TAF5: variants seen among roughly 807,000 people sequenced by gnomAD.
The protein encoded by TAF5 is TATA-box binding protein associated factor 5, also known as transcription initiation factor TFIID subunit 5.
Under a neutral mutation model 80.9 loss-of-function variants are expected in TAF5, and 20 were observed. The ratio of observed to expected loss-of-function variants is 0.25; its 90% CI spans 0.17 to 0.36. The LOEUF is 0.36. Ranked by LOEUF, TAF5 falls within the 10% of genes least tolerant of loss-of-function variation. The pLI is 1.00. For missense variants in TAF5, 863 were observed against 1,029.4 expected (o/e 0.84, Z 2.21); for synonymous variants, 388 against 406.4 (o/e 0.95, Z 0.55).
At chr10:103,387,013 CTG>C (rs1372422323) in intron 8 of TAF5, among the ~76,000 whole-genome samples, 160 bp from the exon 9 acceptor site, 1 of 151,780 alleles carries the variant, frequency 6.6e-6, no homozygotes, top group African/African-American at 2.4e-5. Context: ...ACTCTTAGGA[CTG>C]TGAGTCTCAT....
intron 1 of TAF5, among the ~76,000 whole-genome samples, chr10:103,371,275 T>C (rs1010233912): frequency 2.6e-5 from 4 of 152,070 alleles, no homozygotes; most frequent in Non-Finnish European, 4.4e-5. Context: ...GAGGAATCTT[T>C]TTTGAATGTT....
At position 103,387,705 on chromosome 10, in the gene TAF5, G is replaced by C. The variant is rs752580094; in HGVS notation, c.2185+7G>C. On this transcript the variant is annotated splice_region_variant and intron_variant, in intron 10 of 10. Coordinates refer to ENST00000369839, the MANE Select transcript of TAF5 (RefSeq NM_006951.5). Reference sequence around the variant, plus strand: ...GGTGAAATTTTGGCATCAGGTAAATGACTATTAATGGCTTTACGATAAATG... The same window carrying C: ...GGTGAAATTTTGGCATCAGGTAAATCACTATTAATGGCTTTACGATAAATG... The C allele has an allele frequency of 6.2e-7, 1 of 1,608,780 alleles. No individual in the cohort carries two copies.
chr10:103,384,749 TTTGA>T (rs2093391687), intron 7 of TAF5, among the ~76,000 whole-genome samples: 1 of 152,254 alleles, frequency 6.6e-6, no homozygotes, highest in South Asian at 2.1e-4. Flanking sequence ...ATGATACATT[TTTGA>T]GGGAAACGTC....
chr10:103,386,322 A>G (rs971337625), intron 8 of TAF5, among the ~76,000 whole-genome samples: 1 of 152,002 alleles, frequency 6.6e-6, no homozygotes, highest in African/African-American at 2.4e-5. Context: ...ACGTGCCTGT[A>G]GTCCCAGCTA....
intron 7 of TAF5, 117 bp downstream of exon 7, chr10:103,383,484 G>C: frequency 2.0e-6 from 2 of 995,880 alleles, no homozygotes; most frequent in Non-Finnish European, 1.4e-6. Context: ...TCTCATGGTT[G>C]TCTGACGTTC....
intron 2 of TAF5, among the ~76,000 whole-genome samples, chr10:103,375,549 T>C (rs1233316104): frequency 6.6e-6 from 1 of 152,186 alleles, no homozygotes; most frequent in Non-Finnish European, 1.5e-5. Flanking sequence ...AGATGATATA[T>C]GAGAGCTCAG....
At position 103,388,206 on chromosome 10, in the gene TAF5, G is replaced by A; in HGVS notation, c.2386G>A (p.Ala796Thr). 1 of 1,613,796 alleles carries A rather than the reference G, an allele frequency of 6.2e-7. No homozygotes were observed. Among genetic ancestry groups the A allele is most frequent in the Non-Finnish European group, 8.5e-7 (1 of 1,179,912 alleles). The change falls in exon 11 of 11, where the codon GCT becomes ACT. Residue 796 changes from alanine (A) to threonine (T), a missense_variant. Coordinates refer to ENST00000369839, the MANE Select transcript of TAF5 (RefSeq NM_006951.5). ...TRRNLVLAAGAYSPQ is the reference protein window; with the variant it reads ...TRRNLVLAAGTYSPQ ...AAGAAACCTGGTTCTAGCTGCAGGA[G>A]CTTATAGTCCACAATAAACCATCGG...
chr10:103,382,658 AT>A (rs1012429392), intron 6 of TAF5, among the ~76,000 whole-genome samples: 1 of 150,048 alleles, frequency 6.7e-6, no homozygotes, highest in Non-Finnish European at 1.5e-5. Flanking sequence ...TTAATTTTAA[AT>A]TTTTTTTAGA....
At chr10:103,384,818 C>T (rs917623546) in intron 7 of TAF5, among the ~76,000 whole-genome samples, 19 of 151,872 alleles carry the variant, frequency 1.3e-4, no homozygotes, top group Admixed American at 6.6e-5. Context: ...TGTGTTTATG[C>T]TTGAAAAAGG....
At chr10:103,375,662 C>G (rs1474339612) in intron 2 of TAF5, among the ~76,000 whole-genome samples, 2 of 151,994 alleles carry the variant, frequency 1.3e-5, no homozygotes, top group African/African-American at 4.8e-5. Flanking sequence ...AGTCAGTGGG[C>G]TAGGCCCAAG....
At chr10:103,376,004 G>A (rs2093369190) in intron 2 of TAF5, among the ~76,000 whole-genome samples, 1 of 151,266 alleles carries the variant, frequency 6.6e-6, no homozygotes, top group Non-Finnish European at 1.5e-5. Flanking sequence ...GTTGCAGTGA[G>A]CTGAGATTGC....
intron 8 of TAF5, among the ~76,000 whole-genome samples, chr10:103,386,885 G>T (rs996728700): frequency 2.6e-5 from 4 of 151,320 alleles, no homozygotes; most frequent in African/African-American, 9.7e-5. Flanking sequence ...GGCTGGTCTC[G>T]AACTCCTGAC....
At chr10:103,386,053 A>T (rs866542778) in intron 8 of TAF5, among the ~76,000 whole-genome samples, 4 of 151,846 alleles carry the variant, frequency 2.6e-5, no homozygotes, top group African/African-American at 9.7e-5. Flanking sequence ...TCCCAACCCC[A>T]TCAGATACTT....
chr10:103,380,708 G>A (rs954347), intron 5 of TAF5, among the ~76,000 whole-genome samples: 12 of 150,226 alleles, frequency 8.0e-5, no homozygotes, highest in Admixed American at 3.3e-4. Context: ...TCTGCCTCCC[G>A]GGTTCAAACG....
intron 1 of TAF5, among the ~76,000 whole-genome samples, chr10:103,369,454 AT>A (rs2093354079): frequency 6.7e-6 from 1 of 149,062 alleles, no homozygotes; most frequent in South Asian, 2.1e-4. Context: ...TGCCTCCCAG[AT>A]TTAAGCGATT....
chr10:103,373,316 A>G, intron 1 of TAF5, 42 bp from the exon 2 acceptor site: 1 of 1,546,240 alleles, frequency 6.5e-7, no homozygotes, highest in Non-Finnish European at 8.9e-7. Flanking sequence ...TCACATGGTC[A>G]TAATAGGTCA....
chr10:103,380,289 C>T (rs1034457308), intron 5 of TAF5, among the ~76,000 whole-genome samples: 5 of 152,078 alleles, frequency 3.3e-5, no homozygotes, highest in South Asian at 2.1e-4. Flanking sequence ...CCGCCATGCC[C>T]GGCTAATTTT....
At chr10:103,370,480 C>T (rs1367165430) in intron 1 of TAF5, among the ~76,000 whole-genome samples, 2 of 151,474 alleles carry the variant, frequency 1.3e-5, no homozygotes, top group African/African-American at 2.4e-5. Context: ...CACGTGCCAC[C>T]ATGCCTGGCT....
Position 103,389,048 on chromosome 10 carries a change from G to A in TAF5, c.*825G>A, listed in dbSNP as rs753635468. ...GATATCTTGTAAATAAAGACAACCA[G>A]CTTTTCCAGGTTCATAATTTATTGT... On this transcript the variant is annotated 3_prime_UTR_variant, in exon 11 of 11. Transcript: ENST00000369839. 1 of 152,612 alleles carries A rather than the reference G, an allele frequency of 6.6e-6. No individual in the cohort carries two copies. The highest frequency in any genetic ancestry group is 1.5e-5 in the Non-Finnish European group (1 of 68,028). 9.5% of individuals were successfully genotyped at this position (152,612 alleles called of 1,614,324 possible).
Sources: allele counts gnomAD v4.1 joint callset (sites outside exome capture counted in the v4.1 genomes callset), GRCh38; gene constraint gnomAD v4.1.1; transcripts MANE v1.5; gene names NCBI Gene and HGNC (gene_info 2026-07-23, HGNC 2026-07-21).